Variants in ST6GALNAC5 observed in about 807,000 individuals in gnomAD.
ST6GALNAC5 encodes the protein alpha-N-acetylgalactosaminide alpha-2,6-sialyltransferase 5.
A neutral mutation model predicts 33.6 loss-of-function variants in ST6GALNAC5; 27 were observed. The ratio of observed to expected loss-of-function variants is 0.80; its 90% CI spans 0.59 to 1.11. The LOEUF (loss-of-function observed/expected upper bound fraction) is 1.11. ST6GALNAC5 is among the 50% of genes least tolerant of loss of function. ST6GALNAC5 has a pLI of 0.00. For missense variants in ST6GALNAC5, 428 were observed against 454.0 expected, an observed-to-expected ratio of 0.94 and a Z score of 0.52; for synonymous variants, 194 against 171.2, an observed-to-expected ratio of 1.13 and a Z score of -1.04.
chr1:76,975,062 C>G (rs961600347), intron 2 of ST6GALNAC5, among the ~76,000 whole-genome samples: 3 of 152,074 alleles, frequency 2.0e-5, no homozygotes, highest in Admixed American at 2.0e-4. Flanking sequence ...GCTGGGATTA[C>G]AAGCGTGAGC....
At chr1:76,984,330 G>T (rs973729070) in intron 2 of ST6GALNAC5, among the ~76,000 whole-genome samples, 5 of 152,120 alleles carry the variant, frequency 3.3e-5, no homozygotes, top group African/African-American at 1.2e-4. Context: ...TGACAAAGTG[G>T]ATATCACCAT....
intron 2 of ST6GALNAC5, among the ~76,000 whole-genome samples, chr1:76,878,848 C>A (rs1653710402): frequency 6.6e-6 from 1 of 152,176 alleles, no homozygotes; most frequent in Non-Finnish European, 1.5e-5. Context: ...GATTAATTAG[C>A]CAATGCCAGA....
At chr1:77,007,221 C>T (rs1650456967) in intron 2 of ST6GALNAC5, among the ~76,000 whole-genome samples, 1 of 152,116 alleles carries the variant, frequency 6.6e-6, no homozygotes, top group Non-Finnish European at 1.5e-5. Context: ...AGTATTCTGA[C>T]GTGAACTCAG....
chr1:76,964,703 C>A (rs1648385992), intron 2 of ST6GALNAC5, among the ~76,000 whole-genome samples: 1 of 152,254 alleles, frequency 6.6e-6, no homozygotes, highest in East Asian at 1.9e-4. Context: ...TGGTTTCCTG[C>A]ACCCATTAAC....
chr1:76,998,508 C>T (rs1043722766), intron 2 of ST6GALNAC5, among the ~76,000 whole-genome samples: 2 of 152,060 alleles, frequency 1.3e-5, no homozygotes, highest in Non-Finnish European at 2.9e-5. Flanking sequence ...TATTTCATAA[C>T]CAATGAAAAT....
At chr1:77,022,692 T>C (rs1342721596) in intron 2 of ST6GALNAC5, among the ~76,000 whole-genome samples, 1 of 152,198 alleles carries the variant, frequency 6.6e-6, no homozygotes, top group Non-Finnish European at 1.5e-5. Flanking sequence ...GTTATATCCA[T>C]TGTGAAAAAG....
rs185115649 is a variant in ST6GALNAC5, at chr1:76,940,646, G to A, written c.261+71904G>A. ...AGTGGTAAACCAGGGACCAAAATCTGGTTCTTTGCCCCAGCTAGAGAAAGT... is the reference window on the plus strand; with the variant it reads ...AGTGGTAAACCAGGGACCAAAATCTAGTTCTTTGCCCCAGCTAGAGAAAGT... On this transcript the variant is annotated intron_variant, in intron 2 of 4. Coordinates refer to ENST00000477717, the MANE Select transcript of ST6GALNAC5 (RefSeq NM_030965.3). Among the ~76,000 whole-genome samples, 12 of 152,110 alleles carry A rather than the reference G, an allele frequency of 7.9e-5. 1 individual carries two copies. The highest frequency in any genetic ancestry group is 7.2e-4 in the Admixed American group (11 of 15,272).
At chr1:76,908,989 A>T (rs781016135) in intron 2 of ST6GALNAC5, among the ~76,000 whole-genome samples, 5 of 152,170 alleles carry the variant, frequency 3.3e-5, no homozygotes, top group Non-Finnish European at 7.3e-5. Flanking sequence ...TTAAATCATA[A>T]CTACCCAGTG....
At chr1:77,007,571 A>C (rs1277642785) in intron 2 of ST6GALNAC5, among the ~76,000 whole-genome samples, 2 of 152,248 alleles carry the variant, frequency 1.3e-5, no homozygotes, top group Non-Finnish European at 2.9e-5. Flanking sequence ...TTAAAGAGGA[A>C]GAAGTTTGAA....
chr1:76,885,492 A>G (rs765659107), intron 2 of ST6GALNAC5, among the ~76,000 whole-genome samples: 7 of 152,134 alleles, frequency 4.6e-5, no homozygotes, highest in African/African-American at 7.2e-5. Context: ...TTATTCATCT[A>G]TGTTGGATAT....
Position 76,881,147 on chromosome 1 carries a change from G to A in ST6GALNAC5, c.261+12405G>A, listed in dbSNP as rs146214684. 4.1e-4 allele frequency among the ~76,000 whole-genome samples: 63 copies of A among 152,176 alleles called. 1 individual carries two copies. The East Asian group carries it at 0.01, about 24-fold the overall frequency. ...TATCTCTTAAATAATATTGTCATCCGTATCCCAGAACTTGATCCAACGGAA... is the reference window on the plus strand; with the variant it reads ...TATCTCTTAAATAATATTGTCATCCATATCCCAGAACTTGATCCAACGGAA... On this transcript the variant is annotated intron_variant, in intron 2 of 4. Transcript: ENST00000477717.
intron 2 of ST6GALNAC5, among the ~76,000 whole-genome samples, chr1:76,928,337 G>A (rs889292779): frequency 2.6e-5 from 4 of 151,986 alleles, no homozygotes; most frequent in East Asian, 1.9e-4. Flanking sequence ...TATTCATTAC[G>A]GTGTGCTGCA....
intron 2 of ST6GALNAC5, among the ~76,000 whole-genome samples, chr1:76,878,851 A>G (rs367821046): frequency 7.2e-5 from 11 of 152,198 alleles, no homozygotes; most frequent in African/African-American, 2.4e-4. Context: ...TAATTAGCCA[A>G]TGCCAGAGCT....
At chr1:76,904,091 C>T (rs1546319) in intron 2 of ST6GALNAC5, among the ~76,000 whole-genome samples, 53,330 of 152,120 alleles carry the variant, frequency 0.35, 10,428 homozygotes, top group Non-Finnish European at 0.44. Flanking sequence ...ATGTGATGCT[C>T]TAACCAGCAT....
intron 2 of ST6GALNAC5, among the ~76,000 whole-genome samples, chr1:76,956,650 A>T (rs891564191): frequency 6.6e-6 from 1 of 151,940 alleles, no homozygotes; most frequent in African/African-American, 2.4e-5. Flanking sequence ...CTGTCAGTGG[A>T]GGAACTGTTT....
intron 2 of ST6GALNAC5, among the ~76,000 whole-genome samples, chr1:76,910,626 C>T (rs779850863): frequency 1.6e-4 from 25 of 151,912 alleles, no homozygotes; most frequent in African/African-American, 2.9e-4. Context: ...TACTGAGGAT[C>T]GTATGCTTCT....
intron 2 of ST6GALNAC5, among the ~76,000 whole-genome samples, chr1:77,039,849 C>T (rs1412008837): frequency 6.6e-6 from 1 of 152,196 alleles, no homozygotes; most frequent in African/African-American, 2.4e-5. Flanking sequence ...GAGCCACCTC[C>T]CCTCTTGTGT....
At chr1:76,897,955 T>C (rs143623442) in intron 2 of ST6GALNAC5, among the ~76,000 whole-genome samples, 2,023 of 152,278 alleles carry the variant, frequency 0.013, 47 homozygotes, top group African/African-American at 0.046. Flanking sequence ...ACGGACTTAC[T>C]TTCCACTGTG....
At chr1:77,011,968 A>G (rs1411711486) in intron 2 of ST6GALNAC5, among the ~76,000 whole-genome samples, 1 of 152,206 alleles carries the variant, frequency 6.6e-6, no homozygotes, top group Admixed American at 6.5e-5. Flanking sequence ...CATTTTACAG[A>G]TGAGAAAAGA....
Sources: allele counts gnomAD v4.1 joint callset (sites outside exome capture counted in the v4.1 genomes callset), GRCh38; gene constraint gnomAD v4.1.1; transcripts MANE v1.5; gene names NCBI Gene and HGNC (gene_info 2026-07-23, HGNC 2026-07-21).